Variants in CNTN4 observed in about 807,000 individuals in gnomAD.
CNTN4 encodes contactin 4.
In CNTN4, 77 loss-of-function variants were observed where a neutral mutation model predicts 122.5. The observed-to-expected ratio is 0.63, with a 90% confidence interval of 0.52 to 0.76. The LOEUF (loss-of-function observed/expected upper bound fraction) is 0.76, where lower values mean the gene tolerates loss of function less well. Ranked by LOEUF, CNTN4 falls within the 30% of genes least tolerant of loss-of-function variation. CNTN4 has a pLI of 0.00. For synonymous variants in CNTN4, 512 were observed against 447.0 expected (o/e 1.15, Z -1.83); for missense variants, 1,256 against 1,259.1 (o/e 1.00, Z 0.04).
chr3:2,759,201 G>A (rs1178662686), intron 6 of CNTN4, among the ~76,000 whole-genome samples: 6 of 151,852 alleles, frequency 4.0e-5, no homozygotes, highest in African/African-American at 1.5e-4. Flanking sequence ...TGTTGCCCAG[G>A]CTGGATTGCA....
intron 2 of CNTN4, among the ~76,000 whole-genome samples, chr3:2,334,411 G>C (rs145053211): frequency 3.9e-5 from 6 of 152,154 alleles, no homozygotes; most frequent in Admixed American, 1.3e-4. Flanking sequence ...TGCCCCCTTC[G>C]GCCTTCCAAA....
chr3:2,288,829 G>T (rs1575277127), intron 2 of CNTN4, among the ~76,000 whole-genome samples: 1 of 152,292 alleles, frequency 6.6e-6, no homozygotes, highest in Non-Finnish European at 1.5e-5. Context: ...GTTAAATAAA[G>T]ATATAAATTA....
intron 2 of CNTN4, among the ~76,000 whole-genome samples, chr3:2,160,373 T>C (rs1454059660): frequency 6.6e-6 from 1 of 152,104 alleles, no homozygotes; most frequent in Non-Finnish European, 1.5e-5. Context: ...GGTTAAGAGG[T>C]ATAAGGATCC....
chr3:2,878,975 A>G (rs190493419), intron 8 of CNTN4, among the ~76,000 whole-genome samples: 277 of 152,324 alleles, frequency 1.8e-3, no homozygotes, highest in African/African-American at 4.8e-3. Flanking sequence ...TAATAGCTAA[A>G]AGTGGAAGCC....
At chr3:2,341,045 T>C (rs1040779143) in intron 3 of CNTN4, among the ~76,000 whole-genome samples, 1 of 152,102 alleles carries the variant, frequency 6.6e-6, no homozygotes, top group South Asian at 2.1e-4. Context: ...GCAGCAACAT[T>C]ATTCCAAGAT....
intron 2 of CNTN4, among the ~76,000 whole-genome samples, chr3:2,283,352 A>G (rs550370916): frequency 1.3e-5 from 2 of 152,246 alleles, no homozygotes; most frequent in Admixed American, 6.5e-5. Context: ...ACATATTACA[A>G]TCCTTTATAA....
chr3:2,359,127 A>C (rs1424383619), intron 3 of CNTN4, among the ~76,000 whole-genome samples: 1 of 152,200 alleles, frequency 6.6e-6, no homozygotes, highest in African/African-American at 2.4e-5. Context: ...GATTTTAATC[A>C]ACCTGTGACA....
At chr3:2,158,968 A>C (rs2035838746) in intron 2 of CNTN4, among the ~76,000 whole-genome samples, 1 of 152,202 alleles carries the variant, frequency 6.6e-6, no homozygotes, top group African/African-American at 2.4e-5. Flanking sequence ...CCTGTGAGCC[A>C]GATTTGACTC....
chr3:2,210,786 A>C (rs575415510), intron 2 of CNTN4, among the ~76,000 whole-genome samples: 2 of 152,210 alleles, frequency 1.3e-5, no homozygotes, highest in East Asian at 3.9e-4. Context: ...GAATCTGCCC[A>C]TTTCCTTCAA....
chr3:2,709,374 C>T lies in CNTN4; in HGVS notation c.56-26841C>T, dbSNP rs1349130901. Reference sequence around the variant, plus strand: ...AAAATACTGATGCGTAGGTCTCACGCCTGGTTAGGATTTGATTGGTAAGGG... The same window carrying T: ...AAAATACTGATGCGTAGGTCTCACGTCTGGTTAGGATTTGATTGGTAAGGG... On this transcript the variant is annotated intron_variant, in intron 4 of 24. Coordinates refer to ENST00000418658, the MANE Select transcript of CNTN4 (RefSeq NM_175607.3). The surrounding 1 kb of genome is among the most constrained non-coding windows in gnomAD (Gnocchi z 5.0). Among the ~76,000 whole-genome samples, 5 of 151,794 alleles carry T rather than the reference C, an allele frequency of 3.3e-5. No homozygotes were observed. In the East Asian group the frequency reaches 7.7e-4, roughly 23 times the overall value.
intron 4 of CNTN4, among the ~76,000 whole-genome samples, chr3:2,672,531 G>T (rs1325101682): frequency 1.3e-5 from 2 of 152,180 alleles, no homozygotes; most frequent in African/African-American, 4.8e-5. Flanking sequence ...CCTTGGCTAG[G>T]AAAGGGAATT....
chr3:2,491,819 G>A (rs942021039), intron 3 of CNTN4, among the ~76,000 whole-genome samples: 7 of 152,072 alleles, frequency 4.6e-5, no homozygotes, highest in African/African-American at 1.7e-4. Context: ...CGAATCTTCC[G>A]TCAAGGAGCA....
intron 22 of CNTN4, 73 bp from the exon 23 acceptor site, chr3:3,043,519 A>T: frequency 8.6e-7 from 1 of 1,163,728 alleles, no homozygotes; most frequent in Non-Finnish European, 1.3e-6. Context: ...CTCGAATTCT[A>T]GTAAGGAGAT....
At chr3:2,964,411 C>T (rs1041250109) in intron 13 of CNTN4, among the ~76,000 whole-genome samples, 1 of 152,142 alleles carries the variant, frequency 6.6e-6, no homozygotes, top group Non-Finnish European at 1.5e-5. Flanking sequence ...TGCTTAGTAA[C>T]TCTGTCAACT....
intron 8 of CNTN4, chr3:2,882,885 A>G: frequency 5.0e-6 from 2 of 403,692 alleles, no homozygotes; most frequent in South Asian, 4.5e-5. Context: ...TTAAAACAAT[A>G]CTTTTGAGGG....
intron 4 of CNTN4, among the ~76,000 whole-genome samples, chr3:2,702,011 G>A (rs1287245281): frequency 3.9e-5 from 6 of 152,212 alleles, no homozygotes; most frequent in African/African-American, 1.2e-4. Flanking sequence ...CCAGGGTAGA[G>A]TGAAAGGTAT....
intron 2 of CNTN4, among the ~76,000 whole-genome samples, chr3:2,327,049 GAGTTC>G (rs1221003884): frequency 6.6e-6 from 1 of 152,038 alleles, no homozygotes; most frequent in East Asian, 1.9e-4. Context: ...GCCTACCCTG[GAGTTC>G]AGTTAAGCCA....
At chr3:2,927,337 A>C (rs1188018713) in intron 13 of CNTN4, 3 of 455,874 alleles carry the variant, frequency 6.6e-6, no homozygotes, top group East Asian at 1.4e-4. Flanking sequence ...CTCCTCTCTA[A>C]GGCCAGCCTG....
At chr3:2,685,707 C>A (rs1242664679) in intron 4 of CNTN4, among the ~76,000 whole-genome samples, 2 of 151,792 alleles carry the variant, frequency 1.3e-5, no homozygotes, top group African/African-American at 4.8e-5. Flanking sequence ...TGTTGTTGTT[C>A]TTGTTGAAGC....
Sources: gnomAD v4.1 joint callset for allele counts (sites outside exome capture counted in the v4.1 genomes callset) on GRCh38, gnomAD v4.1.1 for gene constraint, Gnocchi (gnomAD v3.1) non-coding constraint, MANE v1.5 for transcripts, NCBI Gene and HGNC (gene_info 2026-07-23, HGNC 2026-07-21) for gene names.